Variants in DNAH5 observed in about 807,000 individuals in gnomAD.
The protein encoded by DNAH5 is dynein axonemal heavy chain 5.
In DNAH5, 372 loss-of-function variants were observed where a neutral mutation model predicts 518.2. That is an observed-to-expected ratio of 0.72 (90% CI 0.66 to 0.78). The LOEUF (loss-of-function observed/expected upper bound fraction) is 0.78. Ranked by LOEUF, DNAH5 falls within the 30% of genes least tolerant of loss-of-function variation. The pLI, the probability that DNAH5 is intolerant of heterozygous loss-of-function variation, is 0.00. For missense variants in DNAH5, 5,523 were observed against 5,687.0 expected, an observed-to-expected ratio of 0.97 and a Z score of 0.93; for synonymous variants, 2,039 against 2,025.9, an observed-to-expected ratio of 1.01 and a Z score of -0.17.
intron 61 of DNAH5, among the ~76,000 whole-genome samples, chr5:13,757,554 A>G (rs891378405): frequency 5.3e-5 from 8 of 152,176 alleles, no homozygotes; most frequent in Non-Finnish European, 1.2e-4. Context: ...AATGGGATCT[A>G]ATTAAAATAA....
intron 21 of DNAH5, among the ~76,000 whole-genome samples, chr5:13,880,869 A>C (rs1431653290): frequency 1.3e-5 from 2 of 152,012 alleles, no homozygotes; most frequent in African/African-American, 4.8e-5. Flanking sequence ...TACTCCAATC[A>C]AAAGGCATAG....
chr5:13,799,144 C>T (rs1294316436), intron 47 of DNAH5, among the ~76,000 whole-genome samples: 1 of 151,756 alleles, frequency 6.6e-6, no homozygotes, highest in Non-Finnish European at 1.5e-5. Flanking sequence ...AAATATATTA[C>T]AACTCATTCA....
chr5:13,787,521 T>A (rs1340332452), intron 51 of DNAH5, among the ~76,000 whole-genome samples: 1 of 152,194 alleles, frequency 6.6e-6, no homozygotes, highest in Non-Finnish European at 1.5e-5. Context: ...ACAATTCTCA[T>A]AAATGCCCAA....
chr5:13,753,100 C>A (rs964618666), intron 63 of DNAH5, 133 bp downstream of exon 63: 1 of 661,134 alleles, frequency 1.5e-6, no homozygotes, highest in African/African-American at 1.8e-5. Flanking sequence ...TTTAAGCTTG[C>A]ATCTGCTACT....
intron 1 of DNAH5, among the ~76,000 whole-genome samples, chr5:13,995,135 G>A (rs907818202): frequency 2.6e-5 from 4 of 152,238 alleles, no homozygotes; most frequent in Admixed American, 6.5e-5. Flanking sequence ...CATTTCATCT[G>A]TGTAGGTTTT....
Position 13,862,724 on chromosome 5 carries a change from T to C in DNAH5, c.4620A>G (p.Lys1540=). 6.2e-7 allele frequency: 1 copy of C among 1,613,844 alleles called. No individual in the cohort carries two copies. Among genetic ancestry groups the C allele is most frequent in the Non-Finnish European group, 8.5e-7 (1 of 1,179,902 alleles). ...EIEDICISAV[K]ERDIEQKLKQ... ...TCAGCTTTTGCTCAATGTCTCTCTC[T>C]TTCACCGCACTGATACAGATGTCCT... Residue 1540 remains lysine, a synonymous_variant, in exon 29 of 79, where the codon AAA becomes AAG. Coordinates refer to ENST00000265104, the MANE Select transcript of DNAH5 (RefSeq NM_001369.3).
chr5:13,906,416 CTTCTCTT>C (rs1775304657), intron 12 of DNAH5, among the ~76,000 whole-genome samples: 1 of 152,126 alleles, frequency 6.6e-6, no homozygotes, highest in African/African-American at 2.4e-5. Context: ...GAATCTACAA[CTTCTCTT>C]TAAAAAGTCA....
chr5:13,812,970 T>C (rs567537711), intron 43 of DNAH5, among the ~76,000 whole-genome samples: 109 of 152,292 alleles, frequency 7.2e-4, no homozygotes, highest in Non-Finnish European at 1.2e-3. Flanking sequence ...ATAGCACTTT[T>C]GAGTTGATGG....
chr5:13,984,962 T>C (rs1449990318), intron 1 of DNAH5, among the ~76,000 whole-genome samples: 2 of 152,126 alleles, frequency 1.3e-5, no homozygotes, highest in East Asian at 3.9e-4. Context: ...CATGCTGCTA[T>C]AAAGACACAT....
chr5:13,713,318 C>CATATATATACCGACAT (rs1308842104), intron 75 of DNAH5, among the ~76,000 whole-genome samples: 49 of 143,756 alleles, frequency 3.4e-4, no homozygotes, highest in Non-Finnish European at 6.5e-4. Context: ...TATATACCGA[C>CATATATATACCGACAT]ATATATATAC....
chr5:13,989,059 GC>G (rs1177605469), intron 1 of DNAH5, among the ~76,000 whole-genome samples: 1 of 152,064 alleles, frequency 6.6e-6, no homozygotes, highest in East Asian at 1.9e-4. Flanking sequence ...TTTCTGAAAT[GC>G]AGCCCGGGGA....
intron 1 of DNAH5, among the ~76,000 whole-genome samples, chr5:14,002,945 C>T (rs925885646): frequency 1.3e-4 from 20 of 151,968 alleles, no homozygotes; most frequent in South Asian, 4.1e-4. Flanking sequence ...AACACAACTA[C>T]GATAGTAATT....
chr5:14,007,002 T>C (rs1331259302), intron 1 of DNAH5, among the ~76,000 whole-genome samples: 5 of 152,170 alleles, frequency 3.3e-5, no homozygotes, highest in African/African-American at 9.7e-5. Flanking sequence ...CTCTGGCCTC[T>C]CCTGGTCTCT....
Position 13,841,025 on chromosome 5 carries a change from G to C in DNAH5, c.5590C>G (p.Leu1864Val). 1.2e-6 allele frequency: 2 copies of C among 1,614,118 alleles called. No homozygotes were observed. The highest frequency in any genetic ancestry group is 1.7e-6 in the Non-Finnish European group (2 of 1,180,004). Reference sequence around the variant, plus strand: ...TCTATCAATGTATTGAGTAGCTCCAGGAAAGCCTGATTAGTTTTCTGCATG... The same window carrying C: ...TCTATCAATGTATTGAGTAGCTCCACGAAAGCCTGATTAGTTTTCTGCATG... The part of the protein sequence containing the change: ...KIMQKTNQAF[L>V]ELLNTLIDVT... Residue 1864 changes from leucine (L) to valine (V), a missense_variant, in exon 34 of 79, where the codon CTG becomes GTG. Physicochemically the swap from Leu to Val is conservative, Grantham distance 32. Transcript: ENST00000265104.
intron 35 of DNAH5, among the ~76,000 whole-genome samples, chr5:13,838,623 T>C (rs189153277): frequency 2.6e-5 from 4 of 152,166 alleles, no homozygotes; most frequent in African/African-American, 9.7e-5. Flanking sequence ...CACTCGGGGC[T>C]CTCACTGATT....
chr5:13,994,144 G>A (rs553098180), intron 1 of DNAH5, among the ~76,000 whole-genome samples: 2 of 152,192 alleles, frequency 1.3e-5, no homozygotes, highest in South Asian at 2.1e-4. Context: ...CCTCCCGCAC[G>A]CCTCCACCTC....
intron 44 of DNAH5, among the ~76,000 whole-genome samples, chr5:13,811,312 T>C (rs1295144572): frequency 6.6e-6 from 1 of 152,244 alleles, no homozygotes; most frequent in Non-Finnish European, 1.5e-5. Context: ...CCCATAAGTA[T>C]GTATACCTAC....
chr5:13,848,543 C>A (rs11133766), intron 31 of DNAH5, among the ~76,000 whole-genome samples: 50,257 of 151,970 alleles, frequency 0.33, 9,184 homozygotes, highest in East Asian at 0.58. Flanking sequence ...TGAAATAATT[C>A]TACAACTCAC....
In DNAH5 at chr5:13,751,073, C is replaced by T; in HGVS notation, c.11211+5G>A. 6.2e-7 allele frequency: 1 copy of T among 1,613,826 alleles called. No homozygotes were observed. Among genetic ancestry groups the T allele is most frequent in the Non-Finnish European group, 8.5e-7 (1 of 1,179,816 alleles). On this transcript the variant is annotated splice_donor_5th_base_variant and intron_variant, in intron 65 of 78. Coordinates refer to ENST00000265104, the MANE Select transcript of DNAH5 (RefSeq NM_001369.3). ...CAGAATGGGAGGGAGCCACACTTCACTCACCTGCTTCTCTGTGAGAATGAC... is the reference window on the plus strand; with the variant it reads ...CAGAATGGGAGGGAGCCACACTTCATTCACCTGCTTCTCTGTGAGAATGAC...
Sources: allele counts gnomAD v4.1 joint callset (sites outside exome capture counted in the v4.1 genomes callset), GRCh38; gene constraint gnomAD v4.1.1; transcripts MANE v1.5; gene names NCBI Gene and HGNC (gene_info 2026-07-23, HGNC 2026-07-21).